The following SAMSN1 variants were observed in gnomAD, a reference collection of about 807,000 sequenced individuals.
The protein encoded by SAMSN1 is SAM domain, SH3 domain and nuclear localization signals 1.
SAMSN1 carries 31 observed loss-of-function variants against 42.0 expected under a neutral mutation model. The ratio of observed to expected loss-of-function variants is 0.74; its 90% CI spans 0.55 to 1.00. The LOEUF is 1.00. Among genes scored for constraint, SAMSN1 ranks in the 50% least tolerant of loss-of-function variants. The pLI is 0.00. For missense variants in SAMSN1, 464 were observed against 439.4 expected, an observed-to-expected ratio of 1.06 and a Z score of -0.50; for synonymous variants, 178 against 151.9, an observed-to-expected ratio of 1.17 and a Z score of -1.26.
chr21:14,656,584 G>A (rs957713443), intron 1 of SAMSN1, among the ~76,000 whole-genome samples: 3 of 151,774 alleles, frequency 2.0e-5, no homozygotes, highest in Non-Finnish European at 4.4e-5. Context: ...GAAAAATTGT[G>A]GAGTCAGAGT....
intron 7 of SAMSN1, among the ~76,000 whole-genome samples, chr21:14,492,584 C>A (rs1456416725): frequency 6.6e-6 from 1 of 152,176 alleles, no homozygotes; most frequent in Non-Finnish European, 1.5e-5. Flanking sequence ...AATATAAACA[C>A]AGGTACAGGA....
At chr21:14,570,051 G>T (rs1981249675) in intron 2 of SAMSN1, among the ~76,000 whole-genome samples, 1 of 151,810 alleles carries the variant, frequency 6.6e-6, no homozygotes, top group South Asian at 2.1e-4. Context: ...ATCATTCTGG[G>T]TTCACACAGA....
At chr21:14,581,308 A>ATT (rs937952919) in intron 2 of SAMSN1, among the ~76,000 whole-genome samples, 3 of 79,976 alleles carry the variant, frequency 3.8e-5, no homozygotes, top group African/African-American at 1.3e-4. Flanking sequence ...TTGTGCCTCC[A>ATT]TTTTCTCAAC....
At chr21:14,627,993 A>G (rs1186181772) in intron 2 of SAMSN1, among the ~76,000 whole-genome samples, 1 of 152,174 alleles carries the variant, frequency 6.6e-6, no homozygotes, top group Non-Finnish European at 1.5e-5. Context: ...AAAGTGAGAC[A>G]AAGTTTGCTC....
upstream of SAMSN1, among the ~76,000 whole-genome samples, chr21:14,549,149 A>T (rs1980520622): frequency 6.6e-6 from 1 of 152,166 alleles, no homozygotes; most frequent in Non-Finnish European, 1.5e-5. Flanking sequence ...CAGCAATCCA[A>T]CAAATATTTA....
chr21:14,526,307 G>C (rs1279652927), intron 1 of SAMSN1, among the ~76,000 whole-genome samples: 1 of 152,198 alleles, frequency 6.6e-6, no homozygotes, highest in Non-Finnish European at 1.5e-5. Context: ...TAACTTTTCT[G>C]ATATAAATAT....
rs979151959 is a variant in SAMSN1, at chr21:14,515,299, G to A, written c.279+1593C>T. On this transcript the variant is annotated intron_variant, in intron 3 of 7. Transcript: ENST00000400566. ...AAAAATCAATAAAGTAGAATTGGGA[G>A]TCCATAAGTAAACTCACTTATTTAT... 5.9e-5 allele frequency among the ~76,000 whole-genome samples: 9 copies of A among 152,068 alleles called. No individual in the cohort carries two copies. In the East Asian group the frequency reaches 7.7e-4, roughly 13 times the overall value.
chr21:14,657,701 C>T (rs1381114778), intron 1 of SAMSN1, among the ~76,000 whole-genome samples: 1 of 151,724 alleles, frequency 6.6e-6, no homozygotes, highest in African/African-American at 2.4e-5. Context: ...GGGATTTCTG[C>T]CATCAGATTT....
At chr21:14,603,143 C>T (rs1206257920) in intron 5 of SAMSN1, among the ~76,000 whole-genome samples, 5 of 152,046 alleles carry the variant, frequency 3.3e-5, no homozygotes, top group Admixed American at 2.6e-4. Context: ...TGAGCTTTTG[C>T]AGCTTGGTTT....
chr21:14,582,371 G>C (rs1158201286), exon 2 of SAMSN1: 1 of 1,550,066 alleles, frequency 6.5e-7, no homozygotes, highest in Non-Finnish European at 8.7e-7. Flanking sequence ...CAGTGATGCA[G>C]AAAGAGTATC....
At chr21:14,629,473 A>G (rs139403878) in intron 2 of SAMSN1, among the ~76,000 whole-genome samples, 2 of 152,300 alleles carry the variant, frequency 1.3e-5, no homozygotes, top group Admixed American at 6.5e-5. Flanking sequence ...TCCTGTGAGA[A>G]TAAAATGAAG....
At chr21:14,504,011 A>G (rs1987289203) in intron 5 of SAMSN1, among the ~76,000 whole-genome samples, 1 of 152,136 alleles carries the variant, frequency 6.6e-6, no homozygotes, top group Non-Finnish European at 1.5e-5. Context: ...GGTAACAATC[A>G]TTACAGATTG....
chr21:14,553,369 C>A (rs963784403), intron 2 of SAMSN1, among the ~76,000 whole-genome samples: 3 of 152,050 alleles, frequency 2.0e-5, no homozygotes, highest in Non-Finnish European at 4.4e-5. Flanking sequence ...CCAATAAATA[C>A]TCTGACAATT....
chr21:14,638,112 G>T lies in SAMSN1; in HGVS notation c.156+4890C>A, dbSNP rs71315782. On this transcript the variant is annotated intron_variant, in intron 2 of 15. Transcript: ENST00000647101. ...TAAAAACCACATTATATACATTCCC[G>T]CAAAGCTTGGATAGCAGATATGATT... is the stretch of plus-strand genomic sequence containing the variant. Among the ~76,000 whole-genome samples, 1,178 of 152,186 alleles carry T rather than the reference G, an allele frequency of 7.7e-3. 6 individuals carry two copies. Among genetic ancestry groups the T allele is most frequent in the Non-Finnish European group, 0.013 (870 of 68,020 alleles).
At chr21:14,614,811 G>A (rs1982794774) in intron 3 of SAMSN1, among the ~76,000 whole-genome samples, 1 of 151,932 alleles carries the variant, frequency 6.6e-6, no homozygotes, top group South Asian at 2.1e-4. Context: ...CATCAGGAGA[G>A]TGGTAGGCCA....
intron 2 of SAMSN1, among the ~76,000 whole-genome samples, chr21:14,569,765 T>A (rs1469806054): frequency 6.6e-6 from 1 of 152,200 alleles, no homozygotes; most frequent in Non-Finnish European, 1.5e-5. Context: ...CTGATATGGC[T>A]TTTTGCAATA....
Position 14,598,560 on chromosome 21 carries a change from G to A in SAMSN1, c.399+3463C>T, listed in dbSNP as rs56156038. On this transcript the variant is annotated intron_variant, in intron 6 of 15. Coordinates refer to the SAMSN1 transcript ENST00000647101. ...CCTGGTTCTCCAGGAAGTTTATCCC[G>A]GGCTAACTATGCAGAAATATACGTG... Among the ~76,000 whole-genome samples, 1,042 of 152,176 alleles carry A rather than the reference G, an allele frequency of 6.8e-3. 18 individuals carry two copies. The highest frequency in any genetic ancestry group is 0.025 in the African/African-American group (1,017 of 41,506).
At chr21:14,583,763 C>T, upstream of SAMSN1, 1 of 717,836 alleles carries the variant, frequency 1.4e-6, no homozygotes, top group East Asian at 2.7e-5. Context: ...AGGGTCACTG[C>T]CTGATTTTAT....
At chr21:14,586,264 AAAAAAAAAAAAAAAG>A (rs1488637720), upstream of SAMSN1, among the ~76,000 whole-genome samples, 1 of 146,794 alleles carries the variant, frequency 6.8e-6, no homozygotes, top group Non-Finnish European at 1.5e-5. Context: ...CTCCATCTCA[AAAAAAAAAAAAAAAG>A]AAAAAGAAAA....
Sources: gnomAD v4.1 joint callset for allele counts (sites outside exome capture counted in the v4.1 genomes callset) on GRCh38, gnomAD v4.1.1 for gene constraint, MANE v1.5 for transcripts, NCBI Gene and HGNC (gene_info 2026-07-23, HGNC 2026-07-21) for gene names.